Variants in AK3 observed in about 807,000 individuals in gnomAD.
AK3 encodes the protein adenylate kinase 3, also known as GTP:AMP phosphotransferase AK3, mitochondrial.
Under a neutral mutation model 23.7 loss-of-function variants are expected in AK3, and 27 were observed. The ratio of observed to expected loss-of-function variants is 1.14; its 90% confidence interval spans 0.84 to 1.57. The LOEUF (loss-of-function observed/expected upper bound fraction) is 1.57. AK3 is among the 40% of genes most tolerant of loss of function. The pLI is 0.00. For missense variants in AK3, 406 were observed against 285.6 expected (o/e 1.42, Z -3.04); for synonymous variants, 159 against 116.0 (o/e 1.37, Z -2.38).
chr9:4,732,399 T>C (rs942935982), intron 1 of AK3, among the ~76,000 whole-genome samples: 1 of 152,222 alleles, frequency 6.6e-6, no homozygotes, highest in Non-Finnish European at 1.5e-5. Flanking sequence ...ATTTTGGGGA[T>C]GTCAAAAGTT....
At chr9:4,735,266 T>TATATACATATATAAATATATATATAC (rs1554628161) in intron 1 of AK3, among the ~76,000 whole-genome samples, 1 of 13,322 alleles carries the variant, frequency 7.5e-5, no homozygotes, top group Admixed American at 1.0e-3. Flanking sequence ...TATATAAATA[T>TATATACATATATAAATATATATATAC]ATATATAAAT....
chr9:4,720,404 C>T (rs945892128), intron 2 of AK3, among the ~76,000 whole-genome samples: 1 of 152,106 alleles, frequency 6.6e-6, no homozygotes, highest in Non-Finnish European at 1.5e-5. Flanking sequence ...AAAAGTTAGG[C>T]CACACATGGT....
chr9:4,722,598 A>G lies in AK3; in HGVS notation c.179T>C (p.Ile60Thr), dbSNP rs752053724. 5.0e-6 allele frequency: 8 copies of G among 1,614,208 alleles called. No homozygotes were observed. The Admixed American group carries it at 5.0e-5, about 10-fold the overall frequency. ...TEIGVLAKAF[I>T]DQGKLIPDDV... The stretch of plus-strand genomic sequence containing the variant: ...ATCTGGGATGAGTTTCCCTTGGTCA[A>G]TGAAAGCCTTGGCTAACACGCCAAT... Residue 60 changes from isoleucine (I) to threonine (T), a missense_variant, in exon 2 of 5, where the codon ATT becomes ACT. By Grantham distance (89) the Ile-to-Thr change is moderately conservative (BLOSUM62 -1). Coordinates refer to ENST00000381809, the MANE Select transcript of AK3 (RefSeq NM_016282.4).
At chr9:4,719,680 A>G (rs1466902799) in intron 2 of AK3, among the ~76,000 whole-genome samples, 1 of 152,194 alleles carries the variant, frequency 6.6e-6, no homozygotes, top group Non-Finnish European at 1.5e-5. Flanking sequence ...CCTCACCCAA[A>G]TAACAAAGAA....
At chr9:4,718,666 A>G (rs1234070232) in intron 3 of AK3, 129 bp from the exon 4 acceptor site, 3 of 692,926 alleles carry the variant, frequency 4.3e-6, no homozygotes, top group African/African-American at 1.8e-5. Flanking sequence ...TAACTTTTAA[A>G]AAAATGGAAT....
intron 2 of AK3, among the ~76,000 whole-genome samples, chr9:4,721,702 G>T (rs60779059): frequency 1.3e-5 from 2 of 152,234 alleles, no homozygotes; most frequent in Admixed American, 6.5e-5. Context: ...CAGGTGATCC[G>T]CCCACCTTGG....
chr9:4,737,716 T>C (rs1277192066), intron 1 of AK3, among the ~76,000 whole-genome samples: 1 of 152,074 alleles, frequency 6.6e-6, no homozygotes, highest in Non-Finnish European at 1.5e-5. Context: ...GGGGACTCTG[T>C]CTCAAAAAAA....
chr9:4,740,468 C>A (rs910906015), intron 1 of AK3, among the ~76,000 whole-genome samples: 2 of 152,074 alleles, frequency 1.3e-5, no homozygotes, highest in African/African-American at 4.8e-5. Flanking sequence ...GTCAGAACTA[C>A]AAGATCTCAT....
At position 4,709,723 on chromosome 9, in the gene AK3, T is replaced by G. The variant is rs1392658163; in HGVS notation, c.*3253A>C. The G allele has an allele frequency of 6.6e-6, 1 of 152,228 alleles. No individual in the cohort carries two copies. The highest frequency in any genetic ancestry group is 2.4e-5 in the African/African-American group (1 of 41,452). The allele number at this position is 152,228 out of a possible 1,614,324, so 9.4% of individuals were successfully genotyped here. A position where few individuals can be genotyped will look rare whatever the true frequency, so the allele number is the denominator to read the frequency against. On this transcript the variant is annotated 3_prime_UTR_variant, in exon 5 of 5. Coordinates refer to ENST00000381809, the MANE Select transcript of AK3 (RefSeq NM_016282.4). ...GCACAGCTACACTATTTTAACTGTT[T>G]AAAAATTTTTTAACCATAACTTCCA...
intron 1 of AK3, among the ~76,000 whole-genome samples, chr9:4,735,321 A>ACC: frequency 8.9e-6 from 1 of 112,216 alleles, no homozygotes; most frequent in Non-Finnish European, 1.8e-5. Context: ...AAATATATAT[A>ACC]TACATATATA....
intron 2 of AK3, 151 bp downstream of exon 2, chr9:4,722,355 C>G: frequency 9.2e-7 from 1 of 1,084,062 alleles, no homozygotes; most frequent in South Asian, 1.7e-5. Flanking sequence ...TAGAACTGGT[C>G]CCAGAGAAGA....
Position 4,713,036 on chromosome 9 carries a change from TA to T in AK3, c.623del (p.Val208AspfsTer26). On this transcript the variant is annotated frameshift_variant, in exon 5 of 5. Coordinates refer to ENST00000381809, the MANE Select transcript of AK3 (RefSeq NM_016282.4). LOFTEE classifies it high-confidence loss of function. ...GAACTTTAGTTTGTAGGAAAGCATA[TA>T]CATAGGGCCAAATCTTGTTGGTTTC... ...GTETNKIWPY[V>X]YAFLQTKVPQ... 1 of 1,613,850 alleles carries T rather than the reference TA, an allele frequency of 6.2e-7. No individual in the cohort carries two copies. Among genetic ancestry groups the T allele is most frequent in the Middle Eastern group, 1.7e-4 (1 of 6,058 alleles).
rs1842196946 is a variant in AK3 at position 4,733,323 on chromosome 9, TCAA to T, written c.151+7611_151+7613del. Among the ~76,000 whole-genome samples the T allele has an allele frequency of 2.7e-5, 3 of 111,846 alleles. No homozygotes were observed. In the Admixed American group the frequency reaches 3.0e-4, roughly 11 times the overall value. 73.4% of individuals were successfully genotyped at this position (111,846 alleles called of 152,430 possible). ...AGTTAAATGATAGCTTTACACCCAATCAAGGGCTTTAAAAAAAAACCTTTCTCA... is the reference window on the plus strand; with the variant it reads ...AGTTAAATGATAGCTTTACACCCAATGGGCTTTAAAAAAAAACCTTTCTCA... On this transcript the variant is annotated intron_variant, in intron 1 of 4. Transcript: ENST00000381809.
At chr9:4,731,514 G>A (rs923017059) in intron 1 of AK3, among the ~76,000 whole-genome samples, 2 of 149,964 alleles carry the variant, frequency 1.3e-5, no homozygotes, top group Non-Finnish European at 3.0e-5. Context: ...ATATCAATAA[G>A]CATTTATCCA....
Position 4,724,355 on chromosome 9 carries a change from C to T in AK3, c.152-1730G>A, listed in dbSNP as rs114318608. ...TCACCTCTCACTCTTCAGGCCAAGCCCTCTTCTAAATCCGAACCAGCTGCA... is the reference window on the plus strand; with the variant it reads ...TCACCTCTCACTCTTCAGGCCAAGCTCTCTTCTAAATCCGAACCAGCTGCA... On this transcript the variant is annotated intron_variant, in intron 1 of 4. Coordinates refer to ENST00000381809, the MANE Select transcript of AK3 (RefSeq NM_016282.4). Among the ~76,000 whole-genome samples, 1,365 of 152,164 alleles carry T rather than the reference C, an allele frequency of 9.0e-3. 17 individuals carry two copies. Among genetic ancestry groups the T allele is most frequent in the African/African-American group, 0.032 (1,313 of 41,482 alleles).
chr9:4,721,975 G>C (rs1197964278), intron 2 of AK3, among the ~76,000 whole-genome samples: 1 of 152,210 alleles, frequency 6.6e-6, no homozygotes, highest in Non-Finnish European at 1.5e-5. Context: ...GAATGGGGTT[G>C]AGTAGGAGAG....
At chr9:4,723,690 A>C (rs1841956893) in intron 1 of AK3, among the ~76,000 whole-genome samples, 1 of 152,160 alleles carries the variant, frequency 6.6e-6, no homozygotes, top group Admixed American at 6.5e-5. Context: ...TTATATAGTC[A>C]TTTTAGGTAA....
intron 1 of AK3, among the ~76,000 whole-genome samples, chr9:4,730,891 G>C (rs1842137429): frequency 6.6e-6 from 1 of 151,952 alleles, no homozygotes. Context: ...TTAAATTGCA[G>C]TACTGAATGG....
At chr9:4,716,772 A>T (rs959738006) in intron 4 of AK3, among the ~76,000 whole-genome samples, 1 of 152,052 alleles carries the variant, frequency 6.6e-6, no homozygotes, top group South Asian at 2.1e-4. Flanking sequence ...TCTAAAAAAA[A>T]TTTTTTTAAT....
Sources: allele counts gnomAD v4.1 joint callset (sites outside exome capture counted in the v4.1 genomes callset), GRCh38; gene constraint gnomAD v4.1.1; transcripts MANE v1.5; gene names NCBI Gene and HGNC (gene_info 2026-07-23, HGNC 2026-07-21).